KLRG1: variants seen among roughly 807,000 people sequenced by gnomAD.
KLRG1 encodes killer cell lectin like receptor G1, also known as killer cell lectin-like receptor subfamily G member 1.
Under a neutral mutation model 21.8 loss-of-function variants are expected in KLRG1, and 16 were observed. That is an observed-to-expected ratio of 0.73 (90% CI 0.50 to 1.11). KLRG1 has a LOEUF of 1.11. Ranked by LOEUF, KLRG1 falls within the 50% of genes most tolerant of loss-of-function variation. The probability of loss-of-function intolerance (pLI) is 0.00; values close to 1 mark genes in which losing one functional copy is unlikely to be tolerated. For synonymous variants in KLRG1, 69 were observed against 75.9 expected (o/e 0.91, Z 0.47); for missense variants, 173 against 218.3 (o/e 0.79, Z 1.31).
chr12:9,166,943 T>C, the KLRG1 span: 2 of 152,230 alleles, frequency 1.3e-5, no homozygotes, highest in East Asian at 3.8e-4. Context: ...ATGTATCCCA[T>C]CTGATATTTC....
chr12:9,163,644 T>C, the KLRG1 span: 1 of 1,610,962 alleles, frequency 6.2e-7, no homozygotes, highest in East Asian at 2.2e-5. Flanking sequence ...TTACAGTTGT[T>C]AGGGACTCCC....
intron 1 of KLRG1, among the ~76,000 whole-genome samples, chr12:8,963,884 C>T (rs1168707042): frequency 1.3e-5 from 2 of 151,838 alleles, no homozygotes; most frequent in African/African-American, 4.8e-5. Flanking sequence ...TGGTGATATC[C>T]CCTTTATCAT....
intron 3 of KLRG1, among the ~76,000 whole-genome samples, chr12:9,003,156 G>A (rs1263194961): frequency 6.6e-6 from 1 of 152,118 alleles, no homozygotes; most frequent in Non-Finnish European, 1.5e-5. Flanking sequence ...GGGTTTGTAC[G>A]TGGGCATTAC....
At chr12:9,018,247 A>T in the KLRG1 span, among the ~76,000 whole-genome samples, 5 of 152,312 alleles carry the variant, frequency 3.3e-5, no homozygotes, top group South Asian at 1.0e-3. Flanking sequence ...CTTCACAGAA[A>T]TAGAAAAAGT....
chr12:9,095,851 C>T, the KLRG1 span, among the ~76,000 whole-genome samples: 2 of 148,128 alleles, frequency 1.4e-5, no homozygotes, highest in African/African-American at 5.0e-5. Flanking sequence ...GCTCCGCTTC[C>T]CGGGTTCACG....
At chr12:9,092,971 G>A in the KLRG1 span, among the ~76,000 whole-genome samples, 1 of 152,166 alleles carries the variant, frequency 6.6e-6, no homozygotes, top group Non-Finnish European at 1.5e-5. Context: ...ATGAACCTGG[G>A]GGAGATTATG....
chr12:8,991,795 A>G (rs1157851501), intron 1 of KLRG1, among the ~76,000 whole-genome samples: 2 of 152,320 alleles, frequency 1.3e-5, no homozygotes, highest in Non-Finnish European at 2.9e-5. Flanking sequence ...GCCACGAATA[A>G]ATATGACATT....
intron 1 of KLRG1, among the ~76,000 whole-genome samples, chr12:8,975,451 A>G (rs1304433579): frequency 1.3e-5 from 2 of 152,170 alleles, no homozygotes; most frequent in Non-Finnish European, 2.9e-5. Context: ...GTTGGCATAT[A>G]ATTATTCTTA....
chr12:8,967,180 T>G, intron 1 of KLRG1, among the ~76,000 whole-genome samples: 1 of 101,112 alleles, frequency 9.9e-6, no homozygotes, highest in African/African-American at 3.9e-5. Flanking sequence ...CACCGGGGAC[T>G]GTTGTGGGGT....
chr12:8,973,375 T>A (rs1454580096), intron 1 of KLRG1, among the ~76,000 whole-genome samples: 2 of 152,152 alleles, frequency 1.3e-5, no homozygotes, highest in South Asian at 2.1e-4. Context: ...CATGAGGGCT[T>A]TGCCCTCATG....
chr12:9,200,425 C>T, the KLRG1 span: 2 of 1,611,006 alleles, frequency 1.2e-6, no homozygotes, highest in Non-Finnish European at 1.7e-6. Context: ...GGCACCTGAA[C>T]TTTGACCTCA....
intron 2 of KLRG1, among the ~76,000 whole-genome samples, chr12:8,994,845 A>G (rs952627177): frequency 6.6e-6 from 1 of 152,216 alleles, no homozygotes; most frequent in Non-Finnish European, 1.5e-5. Flanking sequence ...GTTTTCAGGC[A>G]GATTGTTGTA....
the KLRG1 span, among the ~76,000 whole-genome samples, chr12:9,063,256 T>C: frequency 6.6e-6 from 1 of 152,226 alleles, no homozygotes; most frequent in Non-Finnish European, 1.5e-5. Flanking sequence ...AAATATTCTA[T>C]TTCTTTCCAA....
At chr12:8,999,496 CG>C (rs1947243041) in intron 3 of KLRG1, among the ~76,000 whole-genome samples, 1 of 152,162 alleles carries the variant, frequency 6.6e-6, no homozygotes, top group Non-Finnish European at 1.5e-5. Context: ...CTTTTGATGT[CG>C]GCTTCTCACA....
the KLRG1 span, chr12:9,149,103 G>A: frequency 6.4e-4 from 600 of 941,100 alleles, 1 homozygote; most frequent in Non-Finnish European, 9.5e-4. Context: ...TTTGTGAAAG[G>A]CCAGATGGTA....
chr12:9,038,545 T>C, the KLRG1 span, among the ~76,000 whole-genome samples: 1 of 152,164 alleles, frequency 6.6e-6, no homozygotes, highest in Admixed American at 6.5e-5. Flanking sequence ...TAGTGTTGGA[T>C]TGAGTAACAG....
At chr12:9,135,447 G>T in the KLRG1 span, 1 of 364,702 alleles carries the variant, frequency 2.7e-6, no homozygotes, top group African/African-American at 2.2e-5. Context: ...CTCCATCTGT[G>T]TGCTGTATGA....
chr12:9,112,509 C>T, the KLRG1 span: 3 of 1,613,630 alleles, frequency 1.9e-6, no homozygotes, highest in Non-Finnish European at 2.5e-6. Context: ...AGGAACATTA[C>T]CTCCTCATTG....
At chr12:9,112,447 C>T in the KLRG1 span, 806 of 1,613,912 alleles carry the variant, frequency 5.0e-4, no homozygotes, top group Non-Finnish European at 6.4e-4. Context: ...TCTTAACCAT[C>T]ACTGTGGTCC....
Sources: gnomAD v4.1 joint callset for allele counts (sites outside exome capture counted in the v4.1 genomes callset) on GRCh38, gnomAD v4.1.1 for gene constraint, MANE v1.5 for transcripts, NCBI Gene and HGNC (gene_info 2026-07-23, HGNC 2026-07-21) for gene names.